Variants in GFPT1 observed in about 807,000 individuals in gnomAD.
The protein encoded by GFPT1 is glutamine--fructose-6-phosphate transaminase 1.
GFPT1 carries 40 observed loss-of-function variants against 92.0 expected under a neutral mutation model. The observed-to-expected ratio is 0.43, with a 90% CI of 0.34 to 0.57. The LOEUF (loss-of-function observed/expected upper bound fraction) is 0.57. GFPT1 is among the 20% of genes least tolerant of loss of function. GFPT1 has a pLI of 0.02. For synonymous variants in GFPT1, 269 were observed against 280.6 expected, an observed-to-expected ratio of 0.96 and a Z score of 0.41; for missense variants, 448 against 869.1, an observed-to-expected ratio of 0.52 and a Z score of 6.09.
At chr2:69,339,074 G>A (rs1315981355) in intron 13 of GFPT1, among the ~76,000 whole-genome samples, 1 of 152,158 alleles carries the variant, frequency 6.6e-6, no homozygotes, top group Admixed American at 6.5e-5. Flanking sequence ...ATGAGCCACT[G>A]CGCCTGGACA....
intron 5 of GFPT1, among the ~76,000 whole-genome samples, chr2:69,358,960 C>A (rs1175616484): frequency 6.6e-6 from 1 of 152,150 alleles, no homozygotes; most frequent in Non-Finnish European, 1.5e-5. Context: ...ATTAATATAT[C>A]CTAGGAACTT....
In GFPT1 at chr2:69,338,488, T is replaced by G; in HGVS notation, c.1281A>C (p.Thr427=). ...AGCAAACATCATCTCGAAAGACTGG[T>G]GTGTTTCTGTCCAGGAAGTCACTTG... ...ELASDFLDRN[T]PVFRDDVCFF... The change falls in exon 14 of 20, where the codon ACA becomes ACC. Residue 427 remains threonine (T), a synonymous_variant. Transcript: ENST00000357308. The G allele has an allele frequency of 6.2e-7, 1 of 1,613,272 alleles. No individual in the cohort carries two copies. The highest frequency in any genetic ancestry group is 8.5e-7 in the Non-Finnish European group (1 of 1,179,228).
intron 9 of GFPT1, 117 bp from the exon 10 acceptor site, chr2:69,350,300 G>A (rs1382145102): frequency 1.3e-6 from 1 of 752,106 alleles, no homozygotes; most frequent in Non-Finnish European, 2.3e-6. Flanking sequence ...AACAATTTTA[G>A]CAAATTTAAA....
intron 10 of GFPT1, among the ~76,000 whole-genome samples, chr2:69,349,133 A>T (rs1037078827): frequency 2.6e-5 from 4 of 152,244 alleles, no homozygotes; most frequent in African/African-American, 9.6e-5. Context: ...CTCTTGTCAC[A>T]GCTGGAATTC....
chr2:69,358,374 T>C lies in GFPT1; in HGVS notation c.498A>G (p.Gln166=), dbSNP rs1300087316. The C allele has an allele frequency of 5.0e-6, 8 of 1,612,458 alleles. No homozygotes were observed. The highest frequency in any genetic ancestry group is 5.9e-6 in the Non-Finnish European group (7 of 1,178,526). The change falls in exon 6 of 20, where the codon CAA becomes CAG. Residue 166 remains glutamine (Q), a synonymous_variant. Coordinates refer to ENST00000357308, the MANE Select transcript of GFPT1 (RefSeq NM_001244710.2). The part of the protein sequence containing the change: ...VKYMYDNRES[Q]DTSFTTLVER... ...CCACCAAGGTAGTAAAGCTGGTATC[T>C]TGACTTTCCCGATTGTCATACATAT...
chr2:69,382,447 A>G (rs1326249433), intron 1 of GFPT1, among the ~76,000 whole-genome samples: 2 of 152,148 alleles, frequency 1.3e-5, no homozygotes. Context: ...TCTTTTTCAT[A>G]TTACTTGCAG....
At chr2:69,350,608 G>A (rs1558751754) in intron 9 of GFPT1, among the ~76,000 whole-genome samples, 1 of 151,920 alleles carries the variant, frequency 6.6e-6, no homozygotes, top group South Asian at 2.1e-4. Context: ...TCAAAATTGT[G>A]CAACGAAAAA....
intron 2 of GFPT1, among the ~76,000 whole-genome samples, chr2:69,372,792 T>C (rs767442812): frequency 2.0e-5 from 3 of 152,182 alleles, no homozygotes; most frequent in Non-Finnish European, 4.4e-5. Flanking sequence ...CCATTCCATG[T>C]GGCAATGTTA....
intron 1 of GFPT1, among the ~76,000 whole-genome samples, chr2:69,380,801 C>T (rs1671990921): frequency 1.3e-5 from 2 of 152,202 alleles, no homozygotes; most frequent in African/African-American, 2.4e-5. Flanking sequence ...CTATCCATTT[C>T]GGTCCACTTT....
chr2:69,328,793 T>C (rs1255838525), intron 17 of GFPT1, among the ~76,000 whole-genome samples: 2 of 146,232 alleles, frequency 1.4e-5, no homozygotes, highest in Non-Finnish European at 3.0e-5. Flanking sequence ...CTCCACCTCC[T>C]AGGTTCAAGT....
At position 69,348,265 on chromosome 2, in the gene GFPT1, T is replaced by C. The variant is rs1175648339; in HGVS notation, c.915A>G (p.Gly305=). 6.2e-7 allele frequency: 1 copy of C among 1,612,874 alleles called. No homozygotes were observed. Among genetic ancestry groups the C allele is most frequent in the Non-Finnish European group, 8.5e-7 (1 of 1,178,844 alleles). The change falls in exon 11 of 20, where the codon GGA becomes GGG. Residue 305 remains glycine, a synonymous_variant. Transcript: ENST00000357308. Reference sequence around the variant, plus strand: ...GTTTAATTCGATGGATAGAAAGACGTCCATCCACTACTGCTGCAACATCAT... The same window carrying C: ...GTTTAATTCGATGGATAGAAAGACGCCCATCCACTACTGCTGCAACATCAT... ...EDDDVAAVVD[G]RLSIHRIKRT... is the part of the protein sequence containing the mutation.
At chr2:69,332,059 CT>C (rs1670675925) in intron 15 of GFPT1, among the ~76,000 whole-genome samples, 2 of 151,814 alleles carry the variant, frequency 1.3e-5, no homozygotes, top group South Asian at 4.2e-4. Context: ...TTCACTGTTC[CT>C]TTTTATTTTT....
At chr2:69,384,777 A>AAAAGAAAG (rs137892148) in intron 1 of GFPT1, among the ~76,000 whole-genome samples, 146 of 148,992 alleles carry the variant, frequency 9.8e-4, no homozygotes, top group Non-Finnish European at 1.6e-3. Flanking sequence ...GAAAGAAAGA[A>AAAAGAAAG]AAAGAAAGAA....
At chr2:69,356,924 G>A (rs1012340072) in intron 6 of GFPT1, among the ~76,000 whole-genome samples, 4 of 152,036 alleles carry the variant, frequency 2.6e-5, no homozygotes, top group Non-Finnish European at 4.4e-5. Flanking sequence ...ATAGAGACAG[G>A]GTTTCACCAT....
intron 1 of GFPT1, among the ~76,000 whole-genome samples, chr2:69,386,058 C>A (rs1281555643): frequency 6.6e-6 from 1 of 150,696 alleles, no homozygotes; most frequent in African/African-American, 2.4e-5. Context: ...TACTTTCTTC[C>A]AGGGATAAAG....
At chr2:69,343,870 A>C (rs1481633705) in intron 12 of GFPT1, among the ~76,000 whole-genome samples, 1 of 152,200 alleles carries the variant, frequency 6.6e-6, no homozygotes, top group Non-Finnish European at 1.5e-5. Context: ...AGAAAACAAA[A>C]CCAAACAAAA....
At chr2:69,354,653 C>G (rs1671292796) in intron 7 of GFPT1, 85 bp from the exon 8 acceptor site, 2 of 801,008 alleles carry the variant, frequency 2.5e-6, no homozygotes, top group Non-Finnish European at 4.5e-6. Flanking sequence ...CAATACTCTT[C>G]AAATGTTTAA....
intron 7 of GFPT1, among the ~76,000 whole-genome samples, chr2:69,355,278 A>C (rs924556393): frequency 6.6e-6 from 1 of 152,108 alleles, no homozygotes; most frequent in Admixed American, 6.6e-5. Flanking sequence ...GGATTTTGTC[A>C]TGTTGCCTAG....
chr2:69,354,385 CAG>C, intron 8 of GFPT1, 73 bp from the exon 9 acceptor site: 1 of 1,367,930 alleles, frequency 7.3e-7, no homozygotes, highest in South Asian at 1.2e-5. Flanking sequence ...CATGTCTAGA[CAG>C]AACTATATAT....
Sources: allele counts gnomAD v4.1 joint callset (sites outside exome capture counted in the v4.1 genomes callset), GRCh38; gene constraint gnomAD v4.1.1; transcripts MANE v1.5; gene names NCBI Gene and HGNC (gene_info 2026-07-23, HGNC 2026-07-21).